Variants in GYS2 observed in about 807,000 individuals in gnomAD.
GYS2 encodes glycogen synthase 2, also known as glycogen [starch] synthase, liver.
Under a neutral mutation model 85.6 loss-of-function variants are expected in GYS2, and 80 were observed. The observed-to-expected ratio is 0.93, with a 90% CI of 0.78 to 1.13. The LOEUF is 1.13. Among genes scored for constraint, GYS2 ranks in the 50% most tolerant of loss-of-function variants. GYS2 has a pLI of 0.00. For missense variants in GYS2, 881 were observed against 854.9 expected (o/e 1.03, Z -0.38); for synonymous variants, 328 against 300.7 (o/e 1.09, Z -0.94).
intron 3 of GYS2, among the ~76,000 whole-genome samples, chr12:21,574,644 A>G (rs2136904165): frequency 6.6e-6 from 1 of 152,298 alleles, no homozygotes; most frequent in East Asian, 1.9e-4. Flanking sequence ...TAGGCACTCA[A>G]AAAATATTTA....
chr12:21,584,501 C>A (rs1944551121), intron 1 of GYS2, among the ~76,000 whole-genome samples: 1 of 152,236 alleles, frequency 6.6e-6, no homozygotes. Context: ...GACCCATGAA[C>A]AAAGTGGCCA....
intron 1 of GYS2, among the ~76,000 whole-genome samples, chr12:21,600,268 G>A (rs1944740977): frequency 6.6e-6 from 1 of 152,094 alleles, no homozygotes. Context: ...GACTACAGGT[G>A]TGAGCCTCCA....
intron 12 of GYS2, among the ~76,000 whole-genome samples, chr12:21,542,982 TA>T (rs1237740660): frequency 7.2e-5 from 11 of 152,216 alleles, no homozygotes. Context: ...CCTGTGTTTC[TA>T]AGTACTTGGC....
At chr12:21,579,542 T>C (rs1289060670) in intron 2 of GYS2, among the ~76,000 whole-genome samples, 1 of 151,972 alleles carries the variant, frequency 6.6e-6, no homozygotes, top group Admixed American at 6.6e-5. Flanking sequence ...GTATATCTAG[T>C]AGAGACAGGG....
At chr12:21,575,113 T>C (rs899344605) in intron 3 of GYS2, among the ~76,000 whole-genome samples, 1 of 152,184 alleles carries the variant, frequency 6.6e-6, no homozygotes, top group Non-Finnish European at 1.5e-5. Context: ...TTTAAATTTA[T>C]CTTATTTGGG....
chr12:21,590,802 G>C (rs1944629955), intron 1 of GYS2, among the ~76,000 whole-genome samples: 1 of 152,098 alleles, frequency 6.6e-6, no homozygotes, highest in Non-Finnish European at 1.5e-5. Context: ...CTTGTCTCCA[G>C]CACAACCTCA....
intron 4 of GYS2, among the ~76,000 whole-genome samples, chr12:21,570,206 T>C (rs1044381465): frequency 9.2e-5 from 14 of 152,254 alleles, no homozygotes; most frequent in African/African-American, 2.7e-4. Context: ...AGGTTGTATA[T>C]GACATGCTTG....
intron 3 of GYS2, among the ~76,000 whole-genome samples, chr12:21,575,064 G>T (rs751547871): frequency 6.6e-6 from 1 of 151,940 alleles, no homozygotes; most frequent in Non-Finnish European, 1.5e-5. Flanking sequence ...ATAAAATGCC[G>T]TTACATCATT....
intron 11 of GYS2, among the ~76,000 whole-genome samples, chr12:21,551,348 T>C (rs1000242755): frequency 2.6e-5 from 4 of 152,122 alleles, no homozygotes; most frequent in Admixed American, 2.0e-4. Context: ...GTAACAATTA[T>C]CATTATATTG....
chr12:21,544,835 A>C (rs1944019406), intron 12 of GYS2, among the ~76,000 whole-genome samples: 1 of 152,186 alleles, frequency 6.6e-6, no homozygotes, highest in Non-Finnish European at 1.5e-5. Flanking sequence ...GCTGCTGGCA[A>C]ATTATGCTTG....
chr12:21,545,538 C>A (rs1398162098), intron 12 of GYS2, among the ~76,000 whole-genome samples: 1 of 152,162 alleles, frequency 6.6e-6, no homozygotes, highest in African/African-American at 2.4e-5. Context: ...TTGTTGTATT[C>A]TTTGCATTGG....
intron 12 of GYS2, among the ~76,000 whole-genome samples, chr12:21,544,211 C>CTA (rs1944011774): frequency 6.6e-6 from 1 of 152,130 alleles, no homozygotes; most frequent in South Asian, 2.1e-4. Context: ...CTTCCTGTAA[C>CTA]TATAGGTTAG....
chr12:21,533,948 A>G (rs1042157548), downstream of GYS2, among the ~76,000 whole-genome samples: 9 of 152,170 alleles, frequency 5.9e-5, no homozygotes, highest in Admixed American at 5.9e-4. Context: ...CGTGGTGGAA[A>G]GGGCAAGGCA....
chr12:21,593,811 A>C (rs1207111802), intron 1 of GYS2, among the ~76,000 whole-genome samples: 1 of 152,118 alleles, frequency 6.6e-6, no homozygotes, highest in Non-Finnish European at 1.5e-5. Context: ...TGCAAGTAAA[A>C]ATAAAACTGC....
At chr12:21,566,863 G>T (rs1468346637) in intron 5 of GYS2, among the ~76,000 whole-genome samples, 2 of 152,132 alleles carry the variant, frequency 1.3e-5, no homozygotes, top group Non-Finnish European at 2.9e-5. Flanking sequence ...CCACTACTCT[G>T]TAGCTATATT....
intron 14 of GYS2, 101 bp from the exon 15 acceptor site, chr12:21,539,439 G>C: frequency 1.3e-6 from 1 of 762,228 alleles, no homozygotes; most frequent in Non-Finnish European, 2.4e-6. Context: ...TGAAACATAT[G>C]TATTTTTTAA....
At chr12:21,533,338 T>G (rs1789418538), downstream of GYS2, among the ~76,000 whole-genome samples, 1 of 152,226 alleles carries the variant, frequency 6.6e-6, no homozygotes, top group Non-Finnish European at 1.5e-5. Flanking sequence ...CAGATTAGCC[T>G]CCAGCTTGCA....
chr12:21,559,086 A>G lies in GYS2; in HGVS notation c.1308+5T>C, dbSNP rs1261066374. The stretch of plus-strand genomic sequence containing the variant: ...GGACATAGTGGGTGCTTTTTTCCTT[A>G]TTACCTGAGTTGAAAAGATGGCTCT... On this transcript the variant is annotated splice_donor_5th_base_variant and intron_variant, in intron 10 of 15. Coordinates refer to ENST00000261195, the MANE Select transcript of GYS2 (RefSeq NM_021957.4). 6.4e-7 allele frequency: 1 copy of G among 1,551,918 alleles called. No homozygotes were observed. The highest frequency in any genetic ancestry group is 8.9e-7 in the Non-Finnish European group (1 of 1,124,758).
At chr12:21,546,953 A>G (rs1485378161) in intron 11 of GYS2, among the ~76,000 whole-genome samples, 1 of 152,198 alleles carries the variant, frequency 6.6e-6, no homozygotes, top group Non-Finnish European at 1.5e-5. Flanking sequence ...TAGGAATGCC[A>G]TCTAGATTAA....
Sources: gnomAD v4.1 joint callset for allele counts (sites outside exome capture counted in the v4.1 genomes callset) on GRCh38, gnomAD v4.1.1 for gene constraint, MANE v1.5 for transcripts, NCBI Gene and HGNC (gene_info 2026-07-23, HGNC 2026-07-21) for gene names.